The following ROR1 variants were observed in gnomAD, a reference collection of about 807,000 sequenced individuals.
ROR1 encodes ROR family WNT receptor 1.
ROR1 carries 19 observed loss-of-function variants against 78.8 expected under a neutral mutation model. The ratio of observed to expected loss-of-function variants is 0.24; its 90% CI spans 0.17 to 0.35. The LOEUF is 0.35. ROR1 is among the 10% of genes least tolerant of loss of function. The pLI, the probability that ROR1 is intolerant of heterozygous loss-of-function variation, is 1.00. For synonymous variants in ROR1, 386 were observed against 433.6 expected (o/e 0.89, Z 1.36); for missense variants, 917 against 1,177.8 (o/e 0.78, Z 3.24).
rs1189134585 is a variant in ROR1, at chr1:64,009,373, A to G, written c.160A>G (p.Lys54Glu). 1 of 1,612,206 alleles carries G rather than the reference A, an allele frequency of 6.2e-7. No individual in the cohort carries two copies. The highest frequency in any genetic ancestry group is 8.5e-7 in the Non-Finnish European group (1 of 1,178,448). ...ATGGAACATCTCAAGTGAACTCAAC[A>G]AAGGTACACAGTGGGGGCACACAGG... Reference protein sequence around the residue: ...SSWNISSELNKDSYLTLDEPM... With the variant: ...SSWNISSELNEDSYLTLDEPM... Residue 54 changes from lysine (K) to glutamate (E), a missense_variant, in exon 2 of 9, where the codon AAA (lysine) becomes GAA (glutamate). Physicochemically the swap from Lys to Glu is moderately conservative, Grantham distance 56 (BLOSUM62 1). This residue lies in a region of ROR1 where 19 missense variants were observed against 50.9 expected (regional missense o/e 0.37). Coordinates refer to ENST00000371079, the MANE Select transcript of ROR1 (RefSeq NM_005012.4).
chr1:63,985,791 T>C (rs563716938), intron 1 of ROR1, among the ~76,000 whole-genome samples: 5 of 151,900 alleles, frequency 3.3e-5, no homozygotes, highest in Non-Finnish European at 5.9e-5. Flanking sequence ...ATAATGTGTG[T>C]ATAAAAAATA....
At chr1:64,113,510 C>G (rs1569788814) in intron 4 of ROR1, 1 of 152,146 alleles carries the variant, frequency 6.6e-6, no homozygotes, top group Non-Finnish European at 1.5e-5. Context: ...CTTAAGTTTC[C>G]AAGCCATTCT....
chr1:63,775,097 C>G (rs963884887), intron 1 of ROR1, among the ~76,000 whole-genome samples: 4 of 152,130 alleles, frequency 2.6e-5, no homozygotes, highest in African/African-American at 9.7e-5. Flanking sequence ...AACTTGTGCG[C>G]CGCTGCAGCC....
intron 1 of ROR1, among the ~76,000 whole-genome samples, chr1:63,915,386 G>C (rs1027590941): frequency 1.4e-4 from 21 of 152,196 alleles, no homozygotes; most frequent in African/African-American, 4.8e-4. Flanking sequence ...AAAGTGTTTG[G>C]AGAGCAATAA....
intron 1 of ROR1, among the ~76,000 whole-genome samples, chr1:63,953,850 A>T (rs1028652042): frequency 6.6e-6 from 1 of 152,186 alleles, no homozygotes; most frequent in African/African-American, 2.4e-5. Context: ...TAATGTGAAG[A>T]TAATATGAAG....
intron 4 of ROR1, among the ~76,000 whole-genome samples, chr1:64,104,844 C>A (rs1003354398): frequency 2.6e-5 from 4 of 152,204 alleles, no homozygotes; most frequent in African/African-American, 9.6e-5. Flanking sequence ...ACCACATTTT[C>A]TTTATCCAGT....
At chr1:63,924,139 C>G (rs1386598716) in intron 1 of ROR1, among the ~76,000 whole-genome samples, 2 of 152,122 alleles carry the variant, frequency 1.3e-5, no homozygotes, top group African/African-American at 4.8e-5. Flanking sequence ...ACCACCTGAC[C>G]TCTCCGTAGA....
intron 1 of ROR1, among the ~76,000 whole-genome samples, chr1:63,975,823 G>A (rs989244298): frequency 6.6e-6 from 1 of 152,072 alleles, no homozygotes; most frequent in African/African-American, 2.4e-5. Flanking sequence ...GGGGAGAGAG[G>A]CTCCCATCAT....
At chr1:64,014,545 C>T (rs1323122349) in intron 2 of ROR1, among the ~76,000 whole-genome samples, 3 of 149,332 alleles carry the variant, frequency 2.0e-5, no homozygotes, top group Non-Finnish European at 3.0e-5. Context: ...CTACCATACT[C>T]AGTCACAAGA....
intron 1 of ROR1, among the ~76,000 whole-genome samples, chr1:63,828,985 G>A (rs1277455963): frequency 2.6e-5 from 4 of 151,992 alleles, no homozygotes; most frequent in African/African-American, 9.7e-5. Flanking sequence ...TCATATCATC[G>A]CCATCTGATA....
In ROR1 at chr1:63,947,741, C is replaced by G. The variant is rs140344785; in HGVS notation, c.92-61564C>G. Among the ~76,000 whole-genome samples, 629 of 152,260 alleles carry G rather than the reference C, an allele frequency of 4.1e-3. 5 individuals are homozygous for G. Among genetic ancestry groups the G allele is most frequent in the African/African-American group, 0.014 (577 of 41,538 alleles). On this transcript the variant is annotated intron_variant, in intron 1 of 8. Coordinates refer to ENST00000371079, the MANE Select transcript of ROR1 (RefSeq NM_005012.4). ...TATACCACATGACATAATGTCCTAC[C>G]TGCATCTGTTACAGTGGAGAATATG...
intron 7 of ROR1, 65 bp from the exon 8 acceptor site, chr1:64,158,916 A>G: frequency 5.0e-6 from 6 of 1,208,276 alleles, no homozygotes; most frequent in Non-Finnish European, 7.3e-6. Context: ...TAAACTATGC[A>G]ATGTAATATT....
intron 1 of ROR1, among the ~76,000 whole-genome samples, chr1:63,844,610 G>C (rs1645069246): frequency 1.3e-5 from 2 of 152,196 alleles, no homozygotes; most frequent in African/African-American, 4.8e-5. Context: ...GTGGAAGGCA[G>C]CTAAGTAGCT....
intron 8 of ROR1, among the ~76,000 whole-genome samples, chr1:64,164,459 T>C (rs1030438046): frequency 6.6e-6 from 1 of 152,214 alleles, no homozygotes; most frequent in Non-Finnish European, 1.5e-5. Context: ...AACCTTTTAT[T>C]TTCTCATCCA....
At chr1:63,943,691 C>A (rs1279835200) in intron 1 of ROR1, among the ~76,000 whole-genome samples, 1 of 152,182 alleles carries the variant, frequency 6.6e-6, no homozygotes, top group Non-Finnish European at 1.5e-5. Context: ...GCAGAGAGAA[C>A]CTTGACTTTG....
intron 8 of ROR1, chr1:64,171,205 T>C: frequency 5.7e-6 from 1 of 176,712 alleles, no homozygotes; most frequent in Non-Finnish European, 1.1e-5. Flanking sequence ...CTTAATGGAC[T>C]TACAGTTCCA....
rs192187604 is a variant in ROR1, at chr1:63,803,375, G to A, written c.91+28867G>A. 3.2e-4 allele frequency among the ~76,000 whole-genome samples: 47 copies of A among 148,918 alleles called. No individual in the cohort carries two copies. The East Asian group carries it at 4.3e-3, about 14-fold the overall frequency. On this transcript the variant is annotated intron_variant, in intron 1 of 8. Coordinates refer to ENST00000371079, the MANE Select transcript of ROR1 (RefSeq NM_005012.4). ...TTTTTTTTTTTTGAGATGGACTCTC[G>A]CTCTGTCGCCCAGGCTGGAGTGCAG...
At chr1:63,973,813 G>A (rs2100500263) in intron 1 of ROR1, among the ~76,000 whole-genome samples, 1 of 152,252 alleles carries the variant, frequency 6.6e-6, no homozygotes, top group East Asian at 1.9e-4. Context: ...TGATAATAAT[G>A]AACACAGAAC....
At chr1:64,030,597 T>G (rs1646652312) in intron 2 of ROR1, among the ~76,000 whole-genome samples, 1 of 152,182 alleles carries the variant, frequency 6.6e-6, no homozygotes, top group African/African-American at 2.4e-5. Context: ...TCTAGAGGAA[T>G]TGAAGCCATC....
Sources: gnomAD v4.1 joint callset for allele counts (sites outside exome capture counted in the v4.1 genomes callset) on GRCh38, gnomAD v4.1.1 for gene constraint, gnomAD v4.1.1 regional missense constraint, MANE v1.5 for transcripts, NCBI Gene and HGNC (gene_info 2026-07-23, HGNC 2026-07-21) for gene names.